Variants in KCNQ5 observed in about 807,000 individuals in gnomAD.
KCNQ5 encodes the protein potassium voltage-gated channel subfamily Q member 5, also known as potassium voltage-gated channel subfamily KQT member 5.
In KCNQ5, 30 loss-of-function variants were observed where a neutral mutation model predicts 98.2. The ratio of observed to expected loss-of-function variants is 0.31; its 90% CI spans 0.23 to 0.41. The LOEUF (loss-of-function observed/expected upper bound fraction) is 0.41, where lower values mean the gene tolerates loss of function less well. Ranked by LOEUF, KCNQ5 falls within the 10% of genes least tolerant of loss-of-function variation. KCNQ5 has a pLI of 1.00. For synonymous variants in KCNQ5, 458 were observed against 449.4 expected, an observed-to-expected ratio of 1.02 and a Z score of -0.24; for missense variants, 835 against 1,182.5, an observed-to-expected ratio of 0.71 and a Z score of 4.31.
At chr6:73,055,723 T>G (rs2150369936) in intron 3 of KCNQ5, 1 of 1,098,944 alleles carries the variant, frequency 9.1e-7, no homozygotes, top group Non-Finnish European at 1.4e-6. Context: ...ACCTGCCAAC[T>G]GGCATTCTCA....
chr6:73,045,059 A>C (rs957796868), intron 3 of KCNQ5, among the ~76,000 whole-genome samples: 1 of 152,088 alleles, frequency 6.6e-6, no homozygotes, highest in African/African-American at 2.4e-5. Flanking sequence ...CCCATGTACT[A>C]TTGCACCCTA....
In KCNQ5 at chr6:73,050,054, C is replaced by CA. The variant is rs899369094; in HGVS notation, c.616+8000dup. 3.9e-4 allele frequency among the ~76,000 whole-genome samples: 59 copies of CA among 151,642 alleles called. No homozygotes were observed. In the South Asian group the frequency reaches 9.2e-3, roughly 24 times the overall value. ...AAAAACAAACAAAAACAAAAACAAA[C>CA]AAAAAAAACTGTAATAGCTGGGTGT... is the stretch of plus-strand genomic sequence containing the variant. On this transcript the variant is annotated intron_variant, in intron 3 of 13. Coordinates refer to ENST00000370398, the MANE Select transcript of KCNQ5 (RefSeq NM_019842.4).
intron 1 of KCNQ5, among the ~76,000 whole-genome samples, chr6:72,823,569 A>G (rs1482608968): frequency 6.6e-6 from 1 of 152,174 alleles, no homozygotes; most frequent in African/African-American, 2.4e-5. Flanking sequence ...TCCCTATAAA[A>G]GCCTATAAGC....
chr6:72,997,370 T>C (rs937562973), intron 1 of KCNQ5, among the ~76,000 whole-genome samples: 4 of 152,072 alleles, frequency 2.6e-5, no homozygotes. Context: ...AAAGAAATAC[T>C]CTAAGCAAGC....
At chr6:72,965,774 G>T (rs922818210) in intron 1 of KCNQ5, among the ~76,000 whole-genome samples, 1 of 152,120 alleles carries the variant, frequency 6.6e-6, no homozygotes, top group Admixed American at 6.5e-5. Context: ...TCATTACTGG[G>T]TTAAGCACAA....
chr6:73,102,072 A>G (rs1774800869), intron 5 of KCNQ5, among the ~76,000 whole-genome samples: 1 of 152,188 alleles, frequency 6.6e-6, no homozygotes, highest in Admixed American at 6.5e-5. Context: ...GGGACAGAAG[A>G]GAGAAACCAG....
chr6:72,875,144 C>T (rs926583914), intron 1 of KCNQ5, among the ~76,000 whole-genome samples: 1 of 152,080 alleles, frequency 6.6e-6, no homozygotes, highest in African/African-American at 2.4e-5. Context: ...GTAGTTAATA[C>T]AATATTGCTC....
intron 10 of KCNQ5, among the ~76,000 whole-genome samples, chr6:73,151,855 T>C (rs1777164029): frequency 6.6e-6 from 1 of 152,214 alleles, no homozygotes; most frequent in Non-Finnish European, 1.5e-5. Flanking sequence ...ACAGTAAAAA[T>C]CCAATTTTTT....
rs1032823027 is a variant in KCNQ5 at position 73,197,541 on chromosome 6, C to T, written c.*2127C>T. 1.3e-5 allele frequency: 2 copies of T among 149,642 alleles called. No homozygotes were observed. The highest frequency in any genetic ancestry group is 2.5e-5 in the African/African-American group (1 of 40,760). 9.3% of individuals were successfully genotyped at this position (149,642 alleles called of 1,614,324 possible). On this transcript the variant is annotated 3_prime_UTR_variant, in exon 14 of 14. Transcript: ENST00000370398. The stretch of plus-strand genomic sequence containing the variant: ...TGAAAATCAATTTTTCATCTTCATT[C>T]AACCTGAAGTTGTGATTCCCCCTTG...
chr6:73,191,619 A>G (rs573910060), intron 12 of KCNQ5, among the ~76,000 whole-genome samples: 1 of 152,270 alleles, frequency 6.6e-6, no homozygotes, highest in South Asian at 2.1e-4. Context: ...GAGGCATATA[A>G]TGGGCCCTTA....
At chr6:73,100,050 C>G (rs904429032) in intron 5 of KCNQ5, among the ~76,000 whole-genome samples, 6 of 152,302 alleles carry the variant, frequency 3.9e-5, no homozygotes, top group Admixed American at 3.9e-4. Context: ...AATTTGGAAA[C>G]TATACAAACA....
At chr6:73,147,753 T>A (rs897291169) in intron 10 of KCNQ5, among the ~76,000 whole-genome samples, 14 of 152,178 alleles carry the variant, frequency 9.2e-5, no homozygotes, top group African/African-American at 3.1e-4. Context: ...CAATTAAGCT[T>A]TATTAATAAA....
At chr6:72,795,797 A>G (rs1774300853) in intron 1 of KCNQ5, among the ~76,000 whole-genome samples, 1 of 152,206 alleles carries the variant, frequency 6.6e-6, no homozygotes, top group Non-Finnish European at 1.5e-5. Context: ...CAGCTATGTT[A>G]TCACTTCTAA....
At chr6:72,720,946 T>C (rs1769923567) in intron 1 of KCNQ5, among the ~76,000 whole-genome samples, 1 of 152,214 alleles carries the variant, frequency 6.6e-6, no homozygotes, top group Admixed American at 6.5e-5. Flanking sequence ...TTTGAGTAGT[T>C]AGTCTCCTGT....
intron 1 of KCNQ5, among the ~76,000 whole-genome samples, chr6:72,846,733 A>G: frequency 6.6e-6 from 1 of 152,198 alleles, no homozygotes; most frequent in Non-Finnish European, 1.5e-5. Context: ...TTGGCTCTGA[A>G]TGACATTTGG....
chr6:72,623,843 C>T (rs2098916790), intron 1 of KCNQ5, among the ~76,000 whole-genome samples: 1 of 152,192 alleles, frequency 6.6e-6, no homozygotes, highest in Admixed American at 6.5e-5. Context: ...GTTATGTCAT[C>T]CATACATAGC....
At position 72,622,290 on chromosome 6, in the gene KCNQ5, G is replaced by T. The variant is rs1160812916; in HGVS notation, c.101G>T (p.Ser34Ile). The stretch of plus-strand genomic sequence containing the variant: ...GCGGCGGGCGGGGGGCGCTTGGGCA[G>T]CGGCATGAAGGATGTGGAGTCCGGC... ...AAAAGGGRLGSGMKDVESGRG... is the reference protein window; with the variant it reads ...AAAAGGGRLGIGMKDVESGRG... Residue 34 changes from serine to isoleucine, a missense_variant, in exon 1 of 14, where the codon AGC becomes ATC. Around this residue, in one of 10 missense-constraint regions of KCNQ5, gnomAD observed 80 missense variants for 72.3 expected, o/e 1.11. Coordinates refer to ENST00000370398, the MANE Select transcript of KCNQ5 (RefSeq NM_019842.4). The surrounding 1 kb of genome is among the most constrained non-coding windows in gnomAD (Gnocchi z 6.0). The T allele has an allele frequency of 8.5e-6, 11 of 1,296,360 alleles. No individual in the cohort carries two copies. In the East Asian group the frequency reaches 3.3e-4, roughly 39 times the overall value. 80.3% of individuals were successfully genotyped at this position (1,296,360 alleles called of 1,614,324 possible).
chr6:72,905,094 G>T (rs566597713), intron 1 of KCNQ5, among the ~76,000 whole-genome samples: 2 of 152,180 alleles, frequency 1.3e-5, no homozygotes, highest in African/African-American at 4.8e-5. Flanking sequence ...CTTTGTCTTT[G>T]TTGGATTGGG....
chr6:72,681,900 G>C (rs886892723), intron 1 of KCNQ5, among the ~76,000 whole-genome samples: 1 of 152,074 alleles, frequency 6.6e-6, no homozygotes, highest in African/African-American at 2.4e-5. Flanking sequence ...TCCTAGATTT[G>C]CTCCTGGGTT....
Sources: allele counts gnomAD v4.1 joint callset (sites outside exome capture counted in the v4.1 genomes callset), GRCh38; gene constraint gnomAD v4.1.1; regional missense constraint gnomAD v4.1.1; non-coding constraint Gnocchi (gnomAD v3.1); transcripts MANE v1.5; gene names NCBI Gene and HGNC (gene_info 2026-07-23, HGNC 2026-07-21).